The following ATP6V0D1 variants were observed in gnomAD, a reference collection of about 807,000 sequenced individuals.
The protein encoded by ATP6V0D1 is ATPase H+ transporting V0 subunit d1.
ATP6V0D1 carries 13 observed loss-of-function variants against 39.0 expected under a neutral mutation model. That is an observed-to-expected ratio of 0.33 (90% CI 0.22 to 0.53). The LOEUF (loss-of-function observed/expected upper bound fraction) is 0.53. Ranked by LOEUF, ATP6V0D1 falls within the 20% of genes least tolerant of loss-of-function variation. ATP6V0D1 has a pLI of 0.94. For missense variants in ATP6V0D1, 272 were observed against 470.9 expected (o/e 0.58, Z 3.91); for synonymous variants, 191 against 191.2 (o/e 1.00, Z 0.01).
At chr16:67,440,470 C>T (rs117947241) in intron 4 of ATP6V0D1, 5 of 152,462 alleles carry the variant, frequency 3.3e-5, no homozygotes, top group Non-Finnish European at 7.3e-5. Context: ...TAATGGCCAC[C>T]CTCCACTCAG....
intron 1 of ATP6V0D1, among the ~76,000 whole-genome samples, chr16:67,463,728 A>C (rs1190202837): frequency 2.0e-5 from 3 of 152,276 alleles, no homozygotes; most frequent in Non-Finnish European, 4.4e-5. Context: ...GTAACTATAC[A>C]AGCTGGTCCA....
chr16:67,459,521 C>T (rs2041272435), intron 1 of ATP6V0D1, among the ~76,000 whole-genome samples: 2 of 152,210 alleles, frequency 1.3e-5, no homozygotes, highest in Admixed American at 6.5e-5. Context: ...TCACCCTAGC[C>T]CTTGATTAAT....
intron 1 of ATP6V0D1, among the ~76,000 whole-genome samples, chr16:67,468,050 G>A (rs947654932): frequency 6.6e-5 from 10 of 152,176 alleles, no homozygotes; most frequent in African/African-American, 9.7e-5. Flanking sequence ...GTTAATGCAG[G>A]AGAGACTCTG....
At chr16:67,480,557 G>T (rs2041461143) in intron 1 of ATP6V0D1, among the ~76,000 whole-genome samples, 1 of 152,110 alleles carries the variant, frequency 6.6e-6, no homozygotes, top group Non-Finnish European at 1.5e-5. Context: ...GGGGGAGGGG[G>T]AAGAGGTGGG....
intron 1 of ATP6V0D1, among the ~76,000 whole-genome samples, chr16:67,469,732 T>C (rs2041358197): frequency 6.6e-6 from 1 of 152,238 alleles, no homozygotes; most frequent in South Asian, 2.1e-4. Flanking sequence ...TGCTTACCTA[T>C]ATGTCCTAAT....
intron 1 of ATP6V0D1, among the ~76,000 whole-genome samples, chr16:67,462,399 G>A (rs1042730728): frequency 1.3e-5 from 2 of 152,258 alleles, no homozygotes; most frequent in African/African-American, 4.8e-5. Flanking sequence ...ATCTGGAACT[G>A]TGAAGAAGAG....
intron 1 of ATP6V0D1, among the ~76,000 whole-genome samples, chr16:67,469,667 C>T (rs574446886): frequency 6.6e-6 from 1 of 152,252 alleles, no homozygotes; most frequent in Non-Finnish European, 1.5e-5. Context: ...AGGTCCCAGG[C>T]TCTCCAGCAC....
chr16:67,443,312 G>T, intron 3 of ATP6V0D1, 134 bp from the exon 4 acceptor site: 1 of 778,344 alleles, frequency 1.3e-6, no homozygotes. Context: ...CCCCAGCCTA[G>T]GCTGTTGCCT....
intron 4 of ATP6V0D1, chr16:67,441,282 A>G (rs1333779714): frequency 6.6e-6 from 1 of 152,068 alleles, no homozygotes; most frequent in Non-Finnish European, 1.5e-5. Flanking sequence ...CCAGCTGCCT[A>G]CTGTTCCCAC....
rs1393789123 is a variant in ATP6V0D1, at chr16:67,438,709, T to C, written c.895-20A>G. ...CTTTACCTGTGGACACGGGCAGATGTGGTGTCCAGGTGGCCATGGCCACAG... is the reference window on the plus strand; with the variant it reads ...CTTTACCTGTGGACACGGGCAGATGCGGTGTCCAGGTGGCCATGGCCACAG... On this transcript the variant is annotated intron_variant, in intron 7 of 7. Coordinates refer to ENST00000290949, the MANE Select transcript of ATP6V0D1 (RefSeq NM_004691.5). 2 of 1,614,062 alleles carry C rather than the reference T, an allele frequency of 1.2e-6. No homozygotes were observed. The highest frequency in any genetic ancestry group is 1.7e-6 in the Non-Finnish European group (2 of 1,180,008).
At chr16:67,464,719 T>A (rs1239949706) in intron 1 of ATP6V0D1, among the ~76,000 whole-genome samples, 1 of 152,196 alleles carries the variant, frequency 6.6e-6, no homozygotes, top group Non-Finnish European at 1.5e-5. Flanking sequence ...AAAAGCCCCA[T>A]CCACCAGCCA....
chr16:67,466,557 G>C, intron 1 of ATP6V0D1, among the ~76,000 whole-genome samples: 1 of 147,266 alleles, frequency 6.8e-6, no homozygotes, highest in Middle Eastern at 4.4e-3. Flanking sequence ...GAAGTTGGCC[G>C]GGCACGGTGG....
rs1219798070 is a variant in ATP6V0D1 at position 67,453,799 on chromosome 16, C to G, written c.131-84G>C. On this transcript the variant is annotated intron_variant, in intron 1 of 7. Coordinates refer to ENST00000290949, the MANE Select transcript of ATP6V0D1 (RefSeq NM_004691.5). This position sits in a 1 kb window ranked among gnomAD's most constrained non-coding sequence, Gnocchi z 4.1. ...AGTCCCCATCCCCACCCCAACTCAG[C>G]CCCAGCTCTCCCCTGCAGTTGTGTC... The G allele has an allele frequency of 7.7e-7, 1 of 1,305,694 alleles. No homozygotes were observed. Among genetic ancestry groups the G allele is most frequent in the Non-Finnish European group, 1.1e-6 (1 of 929,864 alleles). The allele number at this position is 1,305,694 out of a possible 1,614,324, so 80.9% of individuals were successfully genotyped here.
intron 4 of ATP6V0D1, chr16:67,441,101 T>C (rs2041045210): frequency 6.6e-6 from 1 of 152,280 alleles, no homozygotes; most frequent in Non-Finnish European, 1.5e-5. Flanking sequence ...GCTTAGCCAA[T>C]CTGTACCAAT....
Position 67,453,811 on chromosome 16 carries a change from C to T in ATP6V0D1, c.131-96G>A. 4 of 1,239,220 alleles carry T rather than the reference C, an allele frequency of 3.2e-6. No homozygotes were observed. In the South Asian group the frequency reaches 4.1e-5, roughly 13 times the overall value. 76.8% of individuals were successfully genotyped at this position (1,239,220 alleles called of 1,614,324 possible). Reference sequence around the variant, plus strand: ...CACCCCAACTCAGCCCCAGCTCTCCCCTGCAGTTGTGTCCCGCTACTACCC... The same window carrying T: ...CACCCCAACTCAGCCCCAGCTCTCCTCTGCAGTTGTGTCCCGCTACTACCC... On this transcript the variant is annotated intron_variant, in intron 1 of 7. Transcript: ENST00000290949. This position sits in a 1 kb window ranked among gnomAD's most constrained non-coding sequence, Gnocchi z 4.1.
intron 1 of ATP6V0D1, among the ~76,000 whole-genome samples, chr16:67,473,713 C>T (rs912769250): frequency 1.8e-4 from 28 of 152,080 alleles, no homozygotes; most frequent in African/African-American, 4.8e-4. Flanking sequence ...TTAGTAGAGA[C>T]GGGGTTTCAC....
At position 67,456,123 on chromosome 16, in the gene ATP6V0D1, A is replaced by G. The variant is rs1241148372; in HGVS notation, c.131-2408T>C. 1 of 151,262 alleles carries G rather than the reference A, an allele frequency of 6.6e-6. No individual in the cohort carries two copies. Among genetic ancestry groups the G allele is most frequent in the Non-Finnish European group, 1.5e-5 (1 of 67,926 alleles). 9.4% of individuals were successfully genotyped at this position (151,262 alleles called of 1,614,324 possible). A position where few individuals can be genotyped will look rare whatever the true frequency, so the allele number is the denominator to read the frequency against. ...ACGATTCTCCTGCCTCAGCCTCCCG[A>G]GTAGCTGGGACTAAAGGTGCATGCC... On this transcript the variant is annotated intron_variant, in intron 1 of 7. Transcript: ENST00000290949. The surrounding 1 kb of genome is among the most constrained non-coding windows in gnomAD (Gnocchi z 4.1).
chr16:67,466,792 G>A (rs1423084107), intron 1 of ATP6V0D1, among the ~76,000 whole-genome samples: 1 of 152,012 alleles, frequency 6.6e-6, no homozygotes, highest in African/African-American at 2.4e-5. Flanking sequence ...GTGAGGCCCT[G>A]TCTCAAAAAA....
intron 1 of ATP6V0D1, among the ~76,000 whole-genome samples, chr16:67,478,939 C>T (rs964866249): frequency 2.0e-4 from 30 of 150,526 alleles, no homozygotes; most frequent in African/African-American, 7.5e-4. Flanking sequence ...CAATGATGTT[C>T]ACCTTAGATT....
Sources: allele counts gnomAD v4.1 joint callset (sites outside exome capture counted in the v4.1 genomes callset), GRCh38; gene constraint gnomAD v4.1.1; non-coding constraint Gnocchi (gnomAD v3.1); transcripts MANE v1.5; gene names NCBI Gene and HGNC (gene_info 2026-07-23, HGNC 2026-07-21).